The following ABLIM2 variants were observed in gnomAD, a reference collection of about 807,000 sequenced individuals.
ABLIM2 encodes actin binding LIM protein family member 2.
ABLIM2 carries 53 observed loss-of-function variants against 97.7 expected under a neutral mutation model. The ratio of observed to expected loss-of-function variants is 0.54; its 90% CI spans 0.44 to 0.68. ABLIM2 has a LOEUF of 0.68. Among genes scored for constraint, ABLIM2 ranks in the 30% least tolerant of loss-of-function variants. ABLIM2 has a pLI of 0.00. For synonymous variants in ABLIM2, 361 were observed against 345.8 expected (o/e 1.04, Z -0.49); for missense variants, 835 against 867.2 (o/e 0.96, Z 0.47).
At chr4:7,981,277 T>A (rs1027566352) in intron 20 of ABLIM2, among the ~76,000 whole-genome samples, 2 of 152,132 alleles carry the variant, frequency 1.3e-5, no homozygotes, top group African/African-American at 4.8e-5. Flanking sequence ...GATGCTCCTT[T>A]CTATTGATTA....
chr4:8,119,474 C>A (rs28437893), intron 1 of ABLIM2, among the ~76,000 whole-genome samples: 5 of 151,802 alleles, frequency 3.3e-5, no homozygotes, highest in Admixed American at 6.6e-5. Context: ...ATTATAGGTG[C>A]GTGCCACCAC....
intron 1 of ABLIM2, among the ~76,000 whole-genome samples, chr4:8,115,154 G>A (rs1175511925): frequency 6.6e-6 from 1 of 152,190 alleles, no homozygotes; most frequent in Non-Finnish European, 1.5e-5. Context: ...CTGATTATGG[G>A]AAAATACCTC....
rs186115218 is a variant in ABLIM2, at chr4:8,085,721, C to T, written c.454+2448G>A. On this transcript the variant is annotated intron_variant, in intron 4 of 20. Coordinates refer to ENST00000447017, the MANE Select transcript of ABLIM2 (RefSeq NM_001130083.2). This position sits in a 1 kb window ranked among gnomAD's most constrained non-coding sequence, Gnocchi z 6.1. ...CACGCTGCAGCCCCGTCCACTCACG[C>T]GGGTCTGGGGGGTGCACCCAGCACA... is the stretch of plus-strand genomic sequence containing the variant. Among the ~76,000 whole-genome samples, 26 of 152,018 alleles carry T rather than the reference C, an allele frequency of 1.7e-4. No homozygotes were observed. Among genetic ancestry groups the T allele is most frequent in the African/African-American group, 4.6e-4 (19 of 41,440 alleles).
chr4:8,151,882 G>T (rs923476898), intron 1 of ABLIM2, among the ~76,000 whole-genome samples: 2 of 151,846 alleles, frequency 1.3e-5, no homozygotes, highest in Admixed American at 1.3e-4. Context: ...CGGAGCAGAG[G>T]GTCAGGGTTC....
At position 8,095,103 on chromosome 4, in the gene ABLIM2, TC is replaced by T. The variant is rs1830881377; in HGVS notation, c.338+1995del. Among the ~76,000 whole-genome samples, 2 of 151,648 alleles carry T rather than the reference TC, an allele frequency of 1.3e-5. No homozygotes were observed. The highest frequency in any genetic ancestry group is 2.1e-4 in the South Asian group (1 of 4,782). On this transcript the variant is annotated intron_variant, in intron 3 of 20. Coordinates refer to ENST00000447017, the MANE Select transcript of ABLIM2 (RefSeq NM_001130083.2). The surrounding 1 kb of genome is among the most constrained non-coding windows in gnomAD (Gnocchi z 4.7). ...CTCTCTCTCTTTCTTTCTTTCTCTT[TC>T]CTTTTCTTTCTTTTCTTTCTACAGG...
chr4:8,151,378 C>T (rs1712690952), intron 1 of ABLIM2, among the ~76,000 whole-genome samples: 1 of 152,182 alleles, frequency 6.6e-6, no homozygotes, highest in Admixed American at 6.5e-5. Context: ...GAATCCAAAG[C>T]CCCCTCCTCC....
intron 8 of ABLIM2, among the ~76,000 whole-genome samples, chr4:8,053,349 C>A (rs1797188219): frequency 6.6e-6 from 1 of 152,198 alleles, no homozygotes. Context: ...TGATTGATGT[C>A]TCATGTCTGC....
At position 8,110,266 on chromosome 4, in the gene ABLIM2, C is replaced by T. The variant is rs1014398515; in HGVS notation, c.11-3629G>A. Among the ~76,000 whole-genome samples the T allele has an allele frequency of 4.6e-5, 7 of 152,190 alleles. No individual in the cohort carries two copies. The South Asian group carries it at 6.2e-4, about 13-fold the overall frequency. On this transcript the variant is annotated intron_variant, in intron 1 of 20. Transcript: ENST00000447017. ...AATGCACAAGCGTCTCTTCATGATC[C>T]GACAAGGGAGAGGTTCACGCTGCTG...
Position 8,085,844 on chromosome 4 carries a change from G to C in ABLIM2, c.454+2325C>G, listed in dbSNP as rs17179081. On this transcript the variant is annotated intron_variant, in intron 4 of 20. Coordinates refer to ENST00000447017, the MANE Select transcript of ABLIM2 (RefSeq NM_001130083.2). This position sits in a 1 kb window ranked among gnomAD's most constrained non-coding sequence, Gnocchi z 6.1. ...CCTGCGTCTCCAGTTTCAGAACCAA[G>C]GCCACCTTGGACAGCCTCTAGTCCT... Among the ~76,000 whole-genome samples, 34,348 of 152,206 alleles carry C rather than the reference G, an allele frequency of 0.23. 4,806 individuals are homozygous for C. The highest frequency in any genetic ancestry group is 0.34 in the Middle Eastern group (101 of 294).
intron 5 of ABLIM2, 49 bp downstream of exon 5, chr4:8,080,627 G>A: frequency 1.3e-6 from 2 of 1,531,140 alleles, no homozygotes; most frequent in Non-Finnish European, 8.8e-7. Flanking sequence ...CCCCCACAGA[G>A]TAGGGAAGCC....
At chr4:8,089,308 G>A (rs543730251) in intron 3 of ABLIM2, among the ~76,000 whole-genome samples, 15 of 152,284 alleles carry the variant, frequency 9.9e-5, no homozygotes, top group African/African-American at 3.1e-4. Flanking sequence ...TGCCATGTCT[G>A]CCCTCGACAC....
chr4:8,000,094 T>C (rs370149938), intron 16 of ABLIM2, among the ~76,000 whole-genome samples: 8 of 152,054 alleles, frequency 5.3e-5, no homozygotes, highest in East Asian at 3.9e-4. Flanking sequence ...TTGGAGGCTG[T>C]GGCACTGCAC....
chr4:7,983,770 A>G (rs1740991222), intron 18 of ABLIM2, among the ~76,000 whole-genome samples: 1 of 152,218 alleles, frequency 6.6e-6, no homozygotes, highest in Non-Finnish European at 1.5e-5. Context: ...AGCAGGAGGC[A>G]TGGTCAGGCT....
chr4:8,000,154 G>A (rs1396637530), intron 16 of ABLIM2, among the ~76,000 whole-genome samples: 2 of 152,122 alleles, frequency 1.3e-5, no homozygotes, highest in African/African-American at 4.8e-5. Context: ...GAGGAAGGGG[G>A]GCACCCTTCA....
chr4:8,029,206 G>C (rs1283325301), intron 11 of ABLIM2, among the ~76,000 whole-genome samples: 2 of 152,218 alleles, frequency 1.3e-5, no homozygotes, highest in Non-Finnish European at 2.9e-5. Context: ...CAGGTGAAAT[G>C]TTAATGGGCT....
chr4:8,090,320 T>A (rs1410653299), intron 3 of ABLIM2, among the ~76,000 whole-genome samples: 3 of 152,318 alleles, frequency 2.0e-5, no homozygotes, highest in Non-Finnish European at 4.4e-5. Flanking sequence ...TGGAACAAGC[T>A]ACTCAGCCTC....
chr4:8,089,191 C>T (rs774165501), intron 3 of ABLIM2, among the ~76,000 whole-genome samples: 6 of 152,212 alleles, frequency 3.9e-5, no homozygotes, highest in Non-Finnish European at 7.3e-5. Flanking sequence ...CATCCTCCTG[C>T]AGTCCGGGGA....
At chr4:8,010,282 A>G (rs570391243) in intron 14 of ABLIM2, 2 of 833,720 alleles carry the variant, frequency 2.4e-6, no homozygotes, top group South Asian at 1.1e-4. Context: ...TCGGCATCCA[A>G]CTTAGTAGGT....
chr4:8,039,884 T>TG (rs1171084500), intron 9 of ABLIM2, among the ~76,000 whole-genome samples: 1 of 142,990 alleles, frequency 7.0e-6, no homozygotes, highest in Non-Finnish European at 1.5e-5. Flanking sequence ...GTTTTTTTTT[T>TG]TTTTTTTTTT....
Sources: allele counts gnomAD v4.1 joint callset (sites outside exome capture counted in the v4.1 genomes callset), GRCh38; gene constraint gnomAD v4.1.1; non-coding constraint Gnocchi (gnomAD v3.1); transcripts MANE v1.5; gene names NCBI Gene and HGNC (gene_info 2026-07-23, HGNC 2026-07-21).